RARB: variants seen among roughly 807,000 people sequenced by gnomAD.
The protein encoded by RARB is retinoic acid receptor beta, also known as HBV-activated protein.
RARB carries 17 observed loss-of-function variants against 51.9 expected under a neutral mutation model. The observed-to-expected ratio is 0.33, with a 90% CI of 0.22 to 0.49. The LOEUF (loss-of-function observed/expected upper bound fraction) is 0.49. RARB is among the 20% of genes least tolerant of loss of function. The pLI is 0.99. For synonymous variants in RARB, 215 were observed against 195.4 expected, an observed-to-expected ratio of 1.10 and a Z score of -0.84; for missense variants, 369 against 550.8, an observed-to-expected ratio of 0.67 and a Z score of 3.30.
chr3:25,250,392 G>A (rs1229751794), intron 5 of RARB, among the ~76,000 whole-genome samples: 1 of 152,162 alleles, frequency 6.6e-6, no homozygotes, highest in East Asian at 1.9e-4. Flanking sequence ...GGCAGCAGTG[G>A]TTGTGCTGCA....
intron 5 of RARB, among the ~76,000 whole-genome samples, chr3:25,305,243 T>G (rs1178559503): frequency 6.6e-6 from 1 of 152,028 alleles, no homozygotes; most frequent in Non-Finnish European, 1.5e-5. Flanking sequence ...TGTATCAGTG[T>G]GTGAGTTTAA....
At chr3:25,054,634 G>T (rs537866144) in intron 2 of RARB, among the ~76,000 whole-genome samples, 7 of 152,272 alleles carry the variant, frequency 4.6e-5, no homozygotes, top group African/African-American at 1.7e-4. Context: ...GAAAGGGGGA[G>T]CAGGAGAAAC....
At chr3:25,301,669 A>G (rs963420744) in intron 5 of RARB, among the ~76,000 whole-genome samples, 1 of 152,188 alleles carries the variant, frequency 6.6e-6, no homozygotes, top group Non-Finnish European at 1.5e-5. Flanking sequence ...TGAGGATTCT[A>G]GAAGCAGGAC....
At chr3:25,585,744 CT>C (rs1701358977) in intron 5 of RARB, among the ~76,000 whole-genome samples, 3 of 152,212 alleles carry the variant, frequency 2.0e-5, no homozygotes, top group Non-Finnish European at 4.4e-5. Flanking sequence ...AAAAGAGCCA[CT>C]GCCTATGTTT....
chr3:25,060,550 T>C (rs945803576), intron 3 of RARB, among the ~76,000 whole-genome samples: 1 of 151,788 alleles, frequency 6.6e-6, no homozygotes, highest in Non-Finnish European at 1.5e-5. Context: ...CAGGTCAAAA[T>C]GTAAACAAAT....
chr3:25,297,376 G>A (rs891914159), intron 5 of RARB, among the ~76,000 whole-genome samples: 1 of 135,000 alleles, frequency 7.4e-6, no homozygotes, highest in Non-Finnish European at 1.6e-5. Context: ...GATGTTGCTT[G>A]AAAAACTGAG....
intron 2 of RARB, among the ~76,000 whole-genome samples, chr3:24,919,243 C>T (rs903285048): frequency 7.2e-5 from 11 of 152,142 alleles, no homozygotes; most frequent in Admixed American, 5.2e-4. Flanking sequence ...AGTTCTTAAC[C>T]TTCTATGACT....
At chr3:25,551,207 A>G (rs1699839679) in intron 3 of RARB, among the ~76,000 whole-genome samples, 1 of 152,192 alleles carries the variant, frequency 6.6e-6, no homozygotes, top group Admixed American at 6.5e-5. Flanking sequence ...ACAAGGTATT[A>G]TAGGGGGCCC....
chr3:25,377,779 A>C (rs1363317553), intron 5 of RARB, among the ~76,000 whole-genome samples: 1 of 152,168 alleles, frequency 6.6e-6, no homozygotes, highest in Non-Finnish European at 1.5e-5. Context: ...TTAGAACCCA[A>C]ATGTTAGAGC....
At chr3:25,402,935 C>T (rs1230868974) in intron 5 of RARB, among the ~76,000 whole-genome samples, 1 of 152,034 alleles carries the variant, frequency 6.6e-6, no homozygotes, top group African/African-American at 2.4e-5. Flanking sequence ...GAGGCTGAGA[C>T]AGGCCGATCA....
intron 2 of RARB, among the ~76,000 whole-genome samples, chr3:24,914,819 C>T (rs1483297418): frequency 6.6e-6 from 1 of 152,146 alleles, no homozygotes; most frequent in African/African-American, 2.4e-5. Flanking sequence ...GTCCACCGTA[C>T]AATGCCCGAA....
At chr3:25,037,744 G>C (rs1445889819) in intron 2 of RARB, among the ~76,000 whole-genome samples, 1 of 152,042 alleles carries the variant, frequency 6.6e-6, no homozygotes, top group Non-Finnish European at 1.5e-5. Flanking sequence ...TATATATAGT[G>C]AAGTTGAGAG....
chr3:25,232,046 T>G (rs1006484955), intron 5 of RARB, among the ~76,000 whole-genome samples: 5 of 152,304 alleles, frequency 3.3e-5, no homozygotes, highest in Non-Finnish European at 7.4e-5. Flanking sequence ...GAGGTATTGT[T>G]TGAGATTCTT....
chr3:24,936,630 T>C (rs1695553944), intron 2 of RARB, among the ~76,000 whole-genome samples: 1 of 152,218 alleles, frequency 6.6e-6, no homozygotes. Context: ...AAACTATATA[T>C]AATCATCTCT....
At chr3:25,448,977 C>G (rs1054260379) in intron 1 of RARB, among the ~76,000 whole-genome samples, 4 of 151,876 alleles carry the variant, frequency 2.6e-5, no homozygotes, top group African/African-American at 9.7e-5. Context: ...GACAGAAAAG[C>G]TATTGCACAA....
At chr3:24,857,875 GTTA>G (rs1330788065) in intron 1 of RARB, among the ~76,000 whole-genome samples, 5 of 152,184 alleles carry the variant, frequency 3.3e-5, no homozygotes, top group South Asian at 2.1e-4. Flanking sequence ...ACAGTGAGCT[GTTA>G]TTATGCCACT....
intron 1 of RARB, among the ~76,000 whole-genome samples, chr3:25,444,419 A>T (rs1708837530): frequency 6.6e-6 from 1 of 152,268 alleles, no homozygotes; most frequent in Non-Finnish European, 1.5e-5. Context: ...GTTTTTAACA[A>T]AATGGGCAGT....
rs1708067860 is a variant in RARB at position 25,428,457 on chromosome 3, A to G, written c.-275A>G. 7 of 1,262,876 alleles carry G rather than the reference A, an allele frequency of 5.5e-6. No homozygotes were observed. Among genetic ancestry groups the G allele is most frequent in the Non-Finnish European group, 7.0e-6 (7 of 1,005,732 alleles). The allele number at this position is 1,262,876 out of a possible 1,614,324, so 78.2% of individuals were successfully genotyped here. ...TTCGGAAGGCTTTTTGCAAGCATTT[A>G]CTTGGAAGGAGAACTTGGGATCTTT... On this transcript the variant is annotated 5_prime_UTR_variant, in exon 1 of 8. Coordinates refer to ENST00000330688, the MANE Select transcript of RARB (RefSeq NM_000965.5).
chr3:25,250,401 C>T (rs889849438), intron 5 of RARB, among the ~76,000 whole-genome samples: 1 of 152,164 alleles, frequency 6.6e-6, no homozygotes, highest in Non-Finnish European at 1.5e-5. Flanking sequence ...GGTTGTGCTG[C>T]AGTCCTACTA....
Sources: gnomAD v4.1 joint callset for allele counts (sites outside exome capture counted in the v4.1 genomes callset) on GRCh38, gnomAD v4.1.1 for gene constraint, MANE v1.5 for transcripts, NCBI Gene and HGNC (gene_info 2026-07-23, HGNC 2026-07-21) for gene names.